The following WDR1 variants were observed in gnomAD, a reference collection of about 807,000 sequenced individuals.
WDR1 encodes WD repeat-containing protein 1.
In WDR1, 21 loss-of-function variants were observed where a neutral mutation model predicts 71.9. The ratio of observed to expected loss-of-function variants is 0.29; its 90% CI spans 0.21 to 0.42. The LOEUF is 0.42. Among genes scored for constraint, WDR1 ranks in the 10% least tolerant of loss-of-function variants. The pLI is 1.00. For missense variants in WDR1, 696 were observed against 824.5 expected, an observed-to-expected ratio of 0.84 and a Z score of 1.91; for synonymous variants, 424 against 347.4, an observed-to-expected ratio of 1.22 and a Z score of -2.45.
At chr4:10,102,019 C>T (rs983334672) in intron 3 of WDR1, among the ~76,000 whole-genome samples, 6 of 152,234 alleles carry the variant, frequency 3.9e-5, no homozygotes, top group African/African-American at 1.4e-4. Flanking sequence ...CCATTAAATG[C>T]CTACTATGAG....
intron 7 of WDR1, 120 bp downstream of exon 7, chr4:10,088,173 G>T (rs758361125): frequency 5.7e-6 from 6 of 1,056,858 alleles, no homozygotes; most frequent in South Asian, 4.1e-5. Context: ...ATATAAAACC[G>T]CCCCGACTTA....
Position 10,085,594 on chromosome 4 carries a change from C to G in WDR1, c.952-1064G>C, listed in dbSNP as rs577186510. On this transcript the variant is annotated intron_variant, in intron 8 of 14. Transcript: ENST00000499869. ...TCAGAACGTGCACTCGGCAAGAGGC[C>G]AAGAGACTTGTGTGCAGGCTCAATG... is the stretch of plus-strand genomic sequence containing the variant. 2.8e-4 allele frequency among the ~76,000 whole-genome samples: 42 copies of G among 152,328 alleles called. 1 individual carries two copies. The highest frequency in any genetic ancestry group is 9.8e-4 in the Admixed American group (15 of 15,302).
intron 11 of WDR1, among the ~76,000 whole-genome samples, chr4:10,079,912 G>A (rs1175976898): frequency 7.2e-5 from 11 of 152,292 alleles, no homozygotes; most frequent in South Asian, 2.1e-4. Flanking sequence ...AGCTTCGTCC[G>A]ACATGAGACT....
chr4:10,086,130 CAGTAGCGA>C (rs1560532294), intron 8 of WDR1, among the ~76,000 whole-genome samples: 1 of 152,162 alleles, frequency 6.6e-6, no homozygotes, highest in African/African-American at 2.4e-5. Flanking sequence ...TTTTTCTGGG[CAGTAGCGA>C]AGCCTTACTC....
chr4:10,109,433 A>G (rs1713216147), intron 2 of WDR1, among the ~76,000 whole-genome samples: 1 of 152,208 alleles, frequency 6.6e-6, no homozygotes, highest in South Asian at 2.1e-4. Flanking sequence ...TCTCAATGTT[A>G]GTGTGATTCT....
chr4:10,080,424 G>A (rs958526713), intron 11 of WDR1, among the ~76,000 whole-genome samples: 2 of 152,234 alleles, frequency 1.3e-5, no homozygotes, highest in African/African-American at 4.8e-5. Flanking sequence ...TCCATGTGTG[G>A]ATTCCCTTTG....
At chr4:10,116,471 AC>A in intron 1 of WDR1, 179 bp downstream of exon 1, 10 of 659,220 alleles carry the variant, frequency 1.5e-5, no homozygotes, top group Non-Finnish European at 1.9e-5. Context: ...TTGGGGGCGC[AC>A]CCCCCGTCGG....
At position 10,075,190 on chromosome 4, in the gene WDR1, C is replaced by T. The variant is rs564774648; in HGVS notation, c.*188G>A. 6 of 566,066 alleles carry T rather than the reference C, an allele frequency of 1.1e-5. No individual in the cohort carries two copies. The East Asian group carries it at 1.7e-4, about 16-fold the overall frequency. The allele number at this position is 566,066 out of a possible 1,614,324, so 35.1% of individuals were successfully genotyped here. On this transcript the variant is annotated 3_prime_UTR_variant, in exon 15 of 15. Coordinates refer to ENST00000499869, the MANE Select transcript of WDR1 (RefSeq NM_017491.5). Reference sequence around the variant, plus strand: ...TTTATTTTTCATGTGCAAACTGTTACTGTCTAAAGCTTTCAGAAGAACGTG... The same window carrying T: ...TTTATTTTTCATGTGCAAACTGTTATTGTCTAAAGCTTTCAGAAGAACGTG...
intron 5 of WDR1, chr4:10,093,176 G>A: frequency 1.6e-6 from 2 of 1,287,104 alleles, no homozygotes; most frequent in Non-Finnish European, 2.0e-6. Flanking sequence ...TACCTACCTA[G>A]TCAGCTCAGG....
At chr4:10,080,518 T>C (rs1764971708) in intron 11 of WDR1, among the ~76,000 whole-genome samples, 1 of 152,208 alleles carries the variant, frequency 6.6e-6, no homozygotes, top group Non-Finnish European at 1.5e-5. Flanking sequence ...CACAGAGAAA[T>C]CCACTGTCCC....
At chr4:10,093,257 C>T in intron 5 of WDR1, 3 of 744,012 alleles carry the variant, frequency 4.0e-6, no homozygotes, top group East Asian at 1.3e-4. Flanking sequence ...CACAAGCCCA[C>T]CCTTAGGCTG....
intron 8 of WDR1, 122 bp downstream of exon 8, chr4:10,087,585 G>A: frequency 2.2e-6 from 2 of 925,160 alleles, no homozygotes; most frequent in Non-Finnish European, 3.2e-6. Context: ...AAGGGCCAAG[G>A]AGGCCTGAGG....
intron 3 of WDR1, among the ~76,000 whole-genome samples, chr4:10,102,967 G>A (rs1023548460): frequency 6.6e-6 from 1 of 152,270 alleles, no homozygotes; most frequent in East Asian, 1.9e-4. Context: ...ATGAATGAGT[G>A]GGCCACCATT....
intron 2 of WDR1, among the ~76,000 whole-genome samples, chr4:10,113,100 A>G (rs574414324): frequency 1.1e-4 from 17 of 152,348 alleles, no homozygotes; most frequent in African/African-American, 3.8e-4. Flanking sequence ...TCACGCCTGT[A>G]TCCCAGGACT....
intron 5 of WDR1, 133 bp downstream of exon 5, chr4:10,097,578 G>A: frequency 9.1e-7 from 1 of 1,104,152 alleles, no homozygotes; most frequent in Non-Finnish European, 1.3e-6. Flanking sequence ...GCACACCCCT[G>A]GGAGCCCACT....
intron 3 of WDR1, among the ~76,000 whole-genome samples, chr4:10,102,417 C>G (rs1712732294): frequency 6.6e-6 from 1 of 152,238 alleles, no homozygotes; most frequent in Non-Finnish European, 1.5e-5. Flanking sequence ...CAGGAGGGCT[C>G]TGCCCTCAGG....
chr4:10,116,625 C>A (rs1394727848), intron 1 of WDR1, 26 bp downstream of exon 1: 80 of 1,228,872 alleles, frequency 6.5e-5, no homozygotes, highest in Non-Finnish European at 7.9e-5. Context: ...GGCGGCCGCT[C>A]GGGGGCCCCG....
intron 5 of WDR1, among the ~76,000 whole-genome samples, chr4:10,095,279 C>A (rs1003866070): frequency 3.9e-5 from 6 of 152,276 alleles, no homozygotes; most frequent in Non-Finnish European, 8.8e-5. Context: ...GATTTCACAG[C>A]AAGTGGAACT....
At chr4:10,083,211 A>G (rs773872216) in intron 9 of WDR1, 33 bp from the exon 10 acceptor site, 3 of 1,602,990 alleles carry the variant, frequency 1.9e-6, no homozygotes, top group East Asian at 4.5e-5. Flanking sequence ...CCCGGCTCCC[A>G]GGACTGCTGG....
Sources: allele counts gnomAD v4.1 joint callset (sites outside exome capture counted in the v4.1 genomes callset), GRCh38; gene constraint gnomAD v4.1.1; transcripts MANE v1.5; gene names NCBI Gene and HGNC (gene_info 2026-07-23, HGNC 2026-07-21).